Variants in HOOK3 observed in about 807,000 individuals in gnomAD.
The protein encoded by HOOK3 is hook microtubule tethering protein 3.
HOOK3 carries 24 observed loss-of-function variants against 116.3 expected under a neutral mutation model. The ratio of observed to expected loss-of-function variants is 0.21; its 90% CI spans 0.15 to 0.29. The LOEUF is 0.29. HOOK3 is among the 10% of genes least tolerant of loss of function. The pLI is 1.00. For synonymous variants in HOOK3, 275 were observed against 283.0 expected (o/e 0.97, Z 0.28); for missense variants, 632 against 830.2 (o/e 0.76, Z 2.93).
At chr8:42,898,764 T>C (rs1807118880) in intron 1 of HOOK3, among the ~76,000 whole-genome samples, 1 of 152,148 alleles carries the variant, frequency 6.6e-6, no homozygotes, top group African/African-American at 2.4e-5. Context: ...TGCGATGGGG[T>C]TACATCCCGG....
intron 6 of HOOK3, 26 bp from the exon 7 acceptor site, chr8:42,957,068 T>A: frequency 6.9e-7 from 1 of 1,456,860 alleles, no homozygotes; most frequent in Non-Finnish European, 9.5e-7. Flanking sequence ...GCCTCATAGT[T>A]ATAATCATTT....
At position 43,020,653 on chromosome 8, in the gene HOOK3, G is replaced by A. The variant is rs2130499490; in HGVS notation, c.*2155G>A. 1 of 175,092 alleles carries A rather than the reference G, an allele frequency of 5.7e-6. No homozygotes were observed. Among genetic ancestry groups the A allele is most frequent in the Non-Finnish European group, 1.2e-5 (1 of 81,210 alleles). The allele number at this position is 175,092 out of a possible 1,614,324, so 10.8% of individuals were successfully genotyped here. A position where few individuals can be genotyped will look rare whatever the true frequency, so the allele number is the denominator to read the frequency against. Reference sequence around the variant, plus strand: ...CACTTGAACTCAGGAGCCAGAGACTGCAGTGAGCTGAGATCGCACCACTGC... The same window carrying A: ...CACTTGAACTCAGGAGCCAGAGACTACAGTGAGCTGAGATCGCACCACTGC... On this transcript the variant is annotated 3_prime_UTR_variant, in exon 22 of 22. Transcript: ENST00000307602.
chr8:42,925,258 C>T (rs1444549517), intron 2 of HOOK3, among the ~76,000 whole-genome samples: 9 of 151,690 alleles, frequency 5.9e-5, no homozygotes, highest in Non-Finnish European at 8.8e-5. Flanking sequence ...CCACCACACC[C>T]GGCTAATTTT....
chr8:42,932,593 T>A (rs1225910665), intron 4 of HOOK3, among the ~76,000 whole-genome samples: 1 of 151,892 alleles, frequency 6.6e-6, no homozygotes, highest in Admixed American at 6.6e-5. Flanking sequence ...CCCCCTGACA[T>A]TTTTGGGTCC....
chr8:42,924,534 A>C (rs1586593212), intron 2 of HOOK3, among the ~76,000 whole-genome samples: 1 of 152,232 alleles, frequency 6.6e-6, no homozygotes, highest in Non-Finnish European at 1.5e-5. Context: ...TACATCTGAG[A>C]AAATAGATTC....
chr8:42,898,993 T>C (rs962742163), intron 1 of HOOK3, among the ~76,000 whole-genome samples: 3 of 152,170 alleles, frequency 2.0e-5, no homozygotes, highest in Non-Finnish European at 4.4e-5. Flanking sequence ...AAAAATATAA[T>C]GGTTGTATGG....
At chr8:42,900,555 T>G (rs1176555007) in intron 1 of HOOK3, among the ~76,000 whole-genome samples, 2 of 152,162 alleles carry the variant, frequency 1.3e-5, no homozygotes, top group African/African-American at 4.8e-5. Context: ...TATGGTGGTA[T>G]CTCCCCCATT....
At position 43,028,038 on chromosome 8, in the gene HOOK3, T is replaced by C. The variant is rs1046456902; in HGVS notation, c.*9540T>C. ...TTAATACTAATCCTTTTTAAAGACC[T>C]TGGAAAAAATCAAAACCCCATTCCT... On this transcript the variant is annotated 3_prime_UTR_variant, in exon 22 of 22. Transcript: ENST00000307602. 5.2e-6 allele frequency: 1 copy of C among 192,848 alleles called. No individual in the cohort carries two copies. Among genetic ancestry groups the C allele is most frequent in the African/African-American group, 2.3e-5 (1 of 43,098 alleles). The allele number at this position is 192,848 out of a possible 1,614,324, so 11.9% of individuals were successfully genotyped here. A position where few individuals can be genotyped will look rare whatever the true frequency, so the allele number is the denominator to read the frequency against.
intron 4 of HOOK3, among the ~76,000 whole-genome samples, chr8:42,939,373 G>T (rs1276501822): frequency 6.7e-6 from 1 of 149,144 alleles, no homozygotes; most frequent in East Asian, 2.0e-4. Context: ...CCTCCTGGAC[G>T]GGGCGGCTGG....
intron 5 of HOOK3, among the ~76,000 whole-genome samples, chr8:42,947,149 T>A (rs1808245913): frequency 6.6e-6 from 1 of 152,204 alleles, no homozygotes; most frequent in Non-Finnish European, 1.5e-5. Context: ...GCAGTTGTGA[T>A]CTATGTATAT....
chr8:43,022,216 C>A lies in HOOK3; in HGVS notation c.*3718C>A. The A allele has an allele frequency of 4.8e-6, 1 of 209,232 alleles. No individual in the cohort carries two copies. Among genetic ancestry groups the A allele is most frequent in the East Asian group, 7.2e-5 (1 of 13,948 alleles). The allele number at this position is 209,232 out of a possible 1,614,324, so 13.0% of individuals were successfully genotyped here. On this transcript the variant is annotated 3_prime_UTR_variant, in exon 22 of 22. Coordinates refer to ENST00000307602, the MANE Select transcript of HOOK3 (RefSeq NM_032410.4). ...GACAGGGTTTATGACGTTTCTGTTT[C>A]TCTAGTAATGATTAATGATTCCTCA...
chr8:42,967,582 CTT>C (rs1415310949), intron 10 of HOOK3, among the ~76,000 whole-genome samples: 6 of 152,092 alleles, frequency 3.9e-5, no homozygotes, highest in African/African-American at 1.4e-4. Context: ...ATTTAGGTCT[CTT>C]TAATCTTAAA....
At chr8:42,974,727 T>A (rs1299866303) in intron 13 of HOOK3, among the ~76,000 whole-genome samples, 1 of 152,168 alleles carries the variant, frequency 6.6e-6, no homozygotes, top group East Asian at 1.9e-4. Context: ...ATTTCCAAAT[T>A]AGTCACACCT....
intron 4 of HOOK3, among the ~76,000 whole-genome samples, chr8:42,941,654 C>T (rs890329517): frequency 2.6e-5 from 4 of 151,376 alleles, no homozygotes; most frequent in Non-Finnish European, 4.4e-5. Flanking sequence ...TATTTCTATT[C>T]ATTTAATTCA....
chr8:42,968,031 A>G lies in HOOK3; in HGVS notation c.939A>G (p.Val313=). Reference sequence around the variant, plus strand: ...ATTCTAGACATTCTTCTGATAAAGTATCTAAACTAGAAGGTCAAGTAGAAT... The same window carrying G: ...ATTCTAGACATTCTTCTGATAAAGTGTCTAAACTAGAAGGTCAAGTAGAAT... ...IDVLRHSSDK[V]SKLEGQVESY... Residue 313 remains valine, a synonymous_variant, in exon 11 of 22, where the codon GTA becomes GTG. Transcript: ENST00000307602. The G allele has an allele frequency of 1.9e-6, 3 of 1,570,936 alleles. No homozygotes were observed. Among genetic ancestry groups the G allele is most frequent in the Non-Finnish European group, 2.6e-6 (3 of 1,141,534 alleles).
intron 4 of HOOK3, among the ~76,000 whole-genome samples, chr8:42,931,718 C>T (rs932326734): frequency 6.6e-6 from 1 of 151,804 alleles, no homozygotes; most frequent in Non-Finnish European, 1.5e-5. Context: ...AGGCATGAGC[C>T]ACCGCACCTT....
intron 17 of HOOK3, among the ~76,000 whole-genome samples, chr8:43,002,440 C>A (rs1241210235): frequency 2.0e-5 from 3 of 152,132 alleles, no homozygotes; most frequent in African/African-American, 7.2e-5. Flanking sequence ...TATAAGGGGT[C>A]AGATAGTAAT....
rs1047651818 is a variant in HOOK3, at chr8:43,025,942, A to G, written c.*7444A>G. 3 of 209,326 alleles carry G rather than the reference A, an allele frequency of 1.4e-5. No homozygotes were observed. Among genetic ancestry groups the G allele is most frequent in the East Asian group, 7.2e-5 (1 of 13,886 alleles). The allele number at this position is 209,326 out of a possible 1,614,324, so 13.0% of individuals were successfully genotyped here. A position where few individuals can be genotyped will look rare whatever the true frequency, so the allele number is the denominator to read the frequency against. ...GAAATCAGAGGTGTCCACGGCCTCA[A>G]AGTTTGGGCCCATGGGACTATCAAA... is the stretch of plus-strand genomic sequence containing the variant. On this transcript the variant is annotated 3_prime_UTR_variant, in exon 22 of 22. Transcript: ENST00000307602.
chr8:42,972,368 A>G (rs1808741336), intron 11 of HOOK3, among the ~76,000 whole-genome samples: 1 of 152,156 alleles, frequency 6.6e-6, no homozygotes, highest in Non-Finnish European at 1.5e-5. Context: ...TCCATGTATT[A>G]TTAACAGGCT....
Sources: gnomAD v4.1 joint callset for allele counts (sites outside exome capture counted in the v4.1 genomes callset) on GRCh38, gnomAD v4.1.1 for gene constraint, MANE v1.5 for transcripts, NCBI Gene and HGNC (gene_info 2026-07-23, HGNC 2026-07-21) for gene names.